Variants in C9orf153 observed in about 807,000 individuals in gnomAD.
C9orf153 encodes chromosome 9 open reading frame 153.
In C9orf153, 10 loss-of-function variants were observed where a neutral mutation model predicts 9.0. That is an observed-to-expected ratio of 1.11 (90% CI 0.69 to 1.89). The LOEUF (loss-of-function observed/expected upper bound fraction) is 1.89. C9orf153 is among the 40% of genes most tolerant of loss of function. The probability of loss-of-function intolerance (pLI) is 0.00; values close to 1 mark genes in which losing one functional copy is unlikely to be tolerated. For missense variants in C9orf153, 108 were observed against 111.0 expected (o/e 0.97, Z 0.12); for synonymous variants, 35 against 37.3 (o/e 0.94, Z 0.23).
rs777201680 is a variant in C9orf153 at position 86,221,297 on chromosome 9, C to T, written c.*391G>A. On this transcript the variant is annotated 3_prime_UTR_variant, in exon 4 of 4. Coordinates refer to ENST00000339137, the MANE Select transcript of C9orf153 (RefSeq NM_001276366.4). The stretch of plus-strand genomic sequence containing the variant: ...TAGCCCTGGTCCAAATGGGTTGCAC[C>T]GTCCAAACCACTTCTCACGTTAGCA... 1.3e-4 allele frequency: 22 copies of T among 164,008 alleles called. No homozygotes were observed. The highest frequency in any genetic ancestry group is 5.8e-4 in the Admixed American group (9 of 15,598). The allele number at this position is 164,008 out of a possible 1,614,324, so 10.2% of individuals were successfully genotyped here.
At chr9:86,231,400 T>C (rs1361594234) in intron 1 of C9orf153, among the ~76,000 whole-genome samples, 1 of 152,152 alleles carries the variant, frequency 6.6e-6, no homozygotes, top group Admixed American at 6.5e-5. Flanking sequence ...AATATATTTC[T>C]AGGTACAGGG....
intron 1 of C9orf153, among the ~76,000 whole-genome samples, chr9:86,255,983 C>T (rs1547629): frequency 0.75 from 114,424 of 152,180 alleles, 44,597 homozygotes; most frequent in East Asian, 0.99. Context: ...CACTTCTTAC[C>T]CACTTTCACT....
intron 3 of C9orf153, among the ~76,000 whole-genome samples, chr9:86,226,139 C>T (rs1824325955): frequency 6.6e-6 from 1 of 152,176 alleles, no homozygotes; most frequent in African/African-American, 2.4e-5. Flanking sequence ...CCTATCATTG[C>T]TTTAATTGCA....
rs199937529 is a variant in C9orf153, at chr9:86,229,544, T to C, written c.60A>G (p.Gln20=). Residue 20 remains glutamine (Q), a synonymous_variant, in exon 2 of 4, where the codon CAA becomes CAG. Coordinates refer to ENST00000339137, the MANE Select transcript of C9orf153 (RefSeq NM_001276366.4). Reference sequence around the variant, plus strand: ...TACAATGTTAAGTACATACTGAACATTGAGGAAGGGTGGCTTCTCTATTGT... The same window carrying C: ...TACAATGTTAAGTACATACTGAACACTGAGGAAGGGTGGCTTCTCTATTGT... The part of the protein sequence containing the change: ...AEDNREATLP[Q]CSLPELYACI... 245 of 1,607,916 alleles carry C rather than the reference T, an allele frequency of 1.5e-4. No homozygotes were observed. Among genetic ancestry groups the C allele is most frequent in the Middle Eastern group, 6.6e-4 (4 of 6,072 alleles).
chr9:86,241,688 A>G (rs1019630037), intron 1 of C9orf153, among the ~76,000 whole-genome samples: 6 of 152,062 alleles, frequency 3.9e-5, no homozygotes, highest in Non-Finnish European at 1.5e-5. Context: ...ATACAGCAGC[A>G]AGATCTCAGC....
chr9:86,224,934 C>T (rs1824289278), intron 3 of C9orf153, among the ~76,000 whole-genome samples: 1 of 126,780 alleles, frequency 7.9e-6, no homozygotes, highest in Non-Finnish European at 1.7e-5. Context: ...GAGCGAGACT[C>T]CGTCTCAAAA....
In C9orf153 at chr9:86,222,559, C is replaced by G. The variant is rs139923575; in HGVS notation, c.243-826G>C. ...TTCAGAAACCACAAGCTTGAGGTGT[C>G]ATTAGCAGTTACAATTCCTTCAAGT... On this transcript the variant is annotated intron_variant, in intron 3 of 3. Coordinates refer to ENST00000339137, the MANE Select transcript of C9orf153 (RefSeq NM_001276366.4). Among the ~76,000 whole-genome samples, 621 of 152,178 alleles carry G rather than the reference C, an allele frequency of 4.1e-3. 5 individuals carry two copies. The highest frequency in any genetic ancestry group is 0.014 in the African/African-American group (591 of 41,516).
chr9:86,249,980 G>T (rs1824959781), intron 1 of C9orf153, among the ~76,000 whole-genome samples: 1 of 152,174 alleles, frequency 6.6e-6, no homozygotes, highest in East Asian at 1.9e-4. Context: ...ACTCAATGGG[G>T]TATAGATGGT....
chr9:86,243,192 G>T (rs1236192831), intron 1 of C9orf153, among the ~76,000 whole-genome samples: 1 of 152,192 alleles, frequency 6.6e-6, no homozygotes, highest in Non-Finnish European at 1.5e-5. Flanking sequence ...ATTGTACTCA[G>T]TCCCATGACA....
In C9orf153 at chr9:86,229,577, T is replaced by C. The variant is rs1824417918; in HGVS notation, c.27A>G (p.Pro9=). The stretch of plus-strand genomic sequence containing the variant: ...GGGTGGCTTCTCTATTGTCCTCAGC[T>C]GGACTGGTGTCTCCAGTGAGGAACA... MFLTGDTS[P]AEDNREATLP... Residue 9 remains proline, a synonymous_variant, in exon 2 of 4, where the codon CCA becomes CCG. Transcript: ENST00000339137. 1.2e-6 allele frequency: 2 copies of C among 1,613,010 alleles called. No homozygotes were observed. Among genetic ancestry groups the C allele is most frequent in the South Asian group, 2.2e-5 (2 of 91,038 alleles).
intron 3 of C9orf153, among the ~76,000 whole-genome samples, chr9:86,223,750 C>T (rs1563996119): frequency 6.6e-6 from 1 of 152,186 alleles, no homozygotes; most frequent in East Asian, 1.9e-4. Flanking sequence ...CATCCTATCC[C>T]ACCTTTTCCT....
chr9:86,231,109 T>C (rs867396167), intron 1 of C9orf153, among the ~76,000 whole-genome samples: 1 of 152,106 alleles, frequency 6.6e-6, no homozygotes, highest in South Asian at 2.1e-4. Context: ...GACATGTAGA[T>C]AAAGCCATCT....
At chr9:86,241,619 G>T (rs6559918) in intron 1 of C9orf153, among the ~76,000 whole-genome samples, 1 of 151,846 alleles carries the variant, frequency 6.6e-6, no homozygotes, top group Non-Finnish European at 1.5e-5. Context: ...AGGAAAAGTC[G>T]TACATTTCGT....
chr9:86,244,184 TAAATA>T lies in C9orf153; in HGVS notation c.-26-14560_-26-14556del, dbSNP rs371037608. Among the ~76,000 whole-genome samples, 751 of 152,352 alleles carry T rather than the reference TAAATA, an allele frequency of 4.9e-3. 6 individuals carry two copies. Among genetic ancestry groups the T allele is most frequent in the African/African-American group, 0.016 (683 of 41,576 alleles). On this transcript the variant is annotated intron_variant, in intron 1 of 3. Transcript: ENST00000339137. Reference sequence around the variant, plus strand: ...AGATAATATTTTAGATACATTGAGTTAAATAAAATATAGCGTTAAAATTAATTTTG... The same window carrying T: ...AGATAATATTTTAGATACATTGAGTTAAATATAGCGTTAAAATTAATTTTG...
At chr9:86,228,809 G>T in intron 2 of C9orf153, 1 of 165,502 alleles carries the variant, frequency 6.0e-6, no homozygotes, top group East Asian at 1.5e-4. Flanking sequence ...GCAACAAATA[G>T]AAAGTGAGCT....
intron 1 of C9orf153, among the ~76,000 whole-genome samples, chr9:86,240,710 T>TTTC (rs1554685455): frequency 2.2e-4 from 7 of 31,256 alleles, no homozygotes; most frequent in African/African-American, 1.9e-3. Flanking sequence ...TCTTTTTCTT[T>TTTC]TTTTTTTTTT....
intron 1 of C9orf153, among the ~76,000 whole-genome samples, chr9:86,230,913 A>T (rs1181958738): frequency 1.3e-5 from 2 of 152,208 alleles, no homozygotes; most frequent in African/African-American, 4.8e-5. Context: ...GGGCTGGCCT[A>T]TGCTTGGCTT....
chr9:86,245,893 C>G (rs1347603474), intron 1 of C9orf153, among the ~76,000 whole-genome samples: 1 of 152,228 alleles, frequency 6.6e-6, no homozygotes, highest in Non-Finnish European at 1.5e-5. Flanking sequence ...AGAGGAGATG[C>G]TCACATTCCT....
intron 1 of C9orf153, among the ~76,000 whole-genome samples, chr9:86,257,036 T>C (rs1203562565): frequency 6.6e-6 from 1 of 152,194 alleles, no homozygotes; most frequent in Non-Finnish European, 1.5e-5. Context: ...GGTATTTTAA[T>C]GAACCAATGT....
Sources: allele counts gnomAD v4.1 joint callset (sites outside exome capture counted in the v4.1 genomes callset), GRCh38; gene constraint gnomAD v4.1.1; transcripts MANE v1.5; gene names NCBI Gene and HGNC (gene_info 2026-07-23, HGNC 2026-07-21).